The following GALNTL6 variants were observed in gnomAD, a reference collection of about 807,000 sequenced individuals.
The protein encoded by GALNTL6 is polypeptide N-acetylgalactosaminyltransferase like 6.
In GALNTL6, 46 loss-of-function variants were observed where a neutral mutation model predicts 73.7. The ratio of observed to expected loss-of-function variants is 0.62; its 90% CI spans 0.49 to 0.80. The LOEUF (loss-of-function observed/expected upper bound fraction) is 0.80. Among genes scored for constraint, GALNTL6 ranks in the 30% least tolerant of loss-of-function variants. The pLI is 0.00. For missense variants in GALNTL6, 604 were observed against 755.0 expected (o/e 0.80, Z 2.34); for synonymous variants, 259 against 263.7 (o/e 0.98, Z 0.17).
At chr4:172,199,708 TC>T (rs1735894100) in intron 2 of GALNTL6, among the ~76,000 whole-genome samples, 1 of 152,148 alleles carries the variant, frequency 6.6e-6, no homozygotes, top group African/African-American at 2.4e-5. Context: ...TTTTTTAAAC[TC>T]CTGGTAAATA....
chr4:172,331,774 A>AT (rs1741134183), intron 4 of GALNTL6, among the ~76,000 whole-genome samples: 1 of 152,140 alleles, frequency 6.6e-6, no homozygotes, highest in South Asian at 2.1e-4. Context: ...TTATCCATTC[A>AT]TCCCTCAACA....
At chr4:171,938,164 G>A (rs1055772143) in intron 2 of GALNTL6, among the ~76,000 whole-genome samples, 1 of 152,050 alleles carries the variant, frequency 6.6e-6, no homozygotes, top group Non-Finnish European at 1.5e-5. Flanking sequence ...GGTTCATGCT[G>A]TAGAAATTTA....
chr4:171,904,126 A>G (rs892130209), intron 2 of GALNTL6, among the ~76,000 whole-genome samples: 1 of 152,230 alleles, frequency 6.6e-6, no homozygotes, highest in Non-Finnish European at 1.5e-5. Context: ...CACCAGCAAC[A>G]GAACAAAGCT....
chr4:172,583,492 A>G (rs943719818), intron 5 of GALNTL6, among the ~76,000 whole-genome samples: 7 of 152,220 alleles, frequency 4.6e-5, no homozygotes, highest in Non-Finnish European at 8.8e-5. Flanking sequence ...TTAAATTTTA[A>G]TATCTAAAGT....
intron 5 of GALNTL6, among the ~76,000 whole-genome samples, chr4:172,450,857 A>G (rs1732183369): frequency 6.6e-6 from 1 of 152,242 alleles, no homozygotes; most frequent in Non-Finnish European, 1.5e-5. Flanking sequence ...CCTACCTGAA[A>G]TAGACTCCAG....
intron 5 of GALNTL6, among the ~76,000 whole-genome samples, chr4:172,362,021 G>A (rs1742387903): frequency 6.6e-6 from 1 of 152,132 alleles, no homozygotes; most frequent in South Asian, 2.1e-4. Flanking sequence ...TGAACTAGAT[G>A]AGAGTTAGTA....
At chr4:172,416,043 C>T (rs1579051577) in intron 5 of GALNTL6, among the ~76,000 whole-genome samples, 1 of 152,104 alleles carries the variant, frequency 6.6e-6, no homozygotes, top group African/African-American at 2.4e-5. Context: ...GAGGGGTGGT[C>T]TCCTCCCTTA....
intron 5 of GALNTL6, among the ~76,000 whole-genome samples, chr4:172,466,855 TC>T (rs1282639215): frequency 1.3e-5 from 2 of 152,238 alleles, no homozygotes; most frequent in Non-Finnish European, 2.9e-5. Flanking sequence ...CTTTTTCTCA[TC>T]TCAGTATGCT....
At chr4:172,062,655 A>G (rs909823406) in intron 2 of GALNTL6, among the ~76,000 whole-genome samples, 2 of 152,244 alleles carry the variant, frequency 1.3e-5, no homozygotes, top group Admixed American at 6.5e-5. Context: ...CATTTCAACA[A>G]AGCATGTCAC....
Position 171,815,643 on chromosome 4 carries a change from C to CA in GALNTL6, c.138+926dup, listed in dbSNP as rs149906712. The CA allele has an allele frequency of 3.8e-4, 58 of 152,318 alleles. No homozygotes were observed. In the East Asian group the frequency reaches 0.01, roughly 27 times the overall value. The allele number at this position is 152,318 out of a possible 1,614,324, so 9.4% of individuals were successfully genotyped here. On this transcript the variant is annotated intron_variant, in intron 2 of 12. Transcript: ENST00000506823. ...CACTTTTTCAGTTAGTCCTGTGCATCACCTTGGAATATTAATATTCTTAAT... is the reference window on the plus strand; with the variant it reads ...CACTTTTTCAGTTAGTCCTGTGCATCAACCTTGGAATATTAATATTCTTAAT...
intron 5 of GALNTL6, among the ~76,000 whole-genome samples, chr4:172,579,169 A>G (rs920487840): frequency 7.9e-5 from 12 of 152,208 alleles, no homozygotes; most frequent in African/African-American, 1.7e-4. Context: ...ATGTTTGTCC[A>G]CTGTTGTCAA....
At chr4:172,214,371 AT>A (rs922307037) in intron 2 of GALNTL6, among the ~76,000 whole-genome samples, 2 of 149,848 alleles carry the variant, frequency 1.3e-5, no homozygotes, top group South Asian at 2.1e-4. Flanking sequence ...AGTCTTCTCT[AT>A]TTTTTTTTCT....
At chr4:171,981,688 C>T (rs1277705309) in intron 2 of GALNTL6, among the ~76,000 whole-genome samples, 1 of 152,116 alleles carries the variant, frequency 6.6e-6, no homozygotes, top group Non-Finnish European at 1.5e-5. Context: ...TTGCATTACA[C>T]AACACCTGAG....
At chr4:171,851,137 A>T (rs1735512544) in intron 2 of GALNTL6, among the ~76,000 whole-genome samples, 1 of 152,276 alleles carries the variant, frequency 6.6e-6, no homozygotes, top group African/African-American at 2.4e-5. Flanking sequence ...ATTTTTATTT[A>T]TTCACTATTT....
At chr4:172,286,661 A>G (rs1420133777) in intron 3 of GALNTL6, among the ~76,000 whole-genome samples, 1 of 152,154 alleles carries the variant, frequency 6.6e-6, no homozygotes, top group African/African-American at 2.4e-5. Flanking sequence ...GATAAAGATA[A>G]CGGAATGGAG....
rs1023030894 is a variant in GALNTL6, at chr4:172,710,182, G to A, written c.554-99179G>A. Among the ~76,000 whole-genome samples, 17 of 152,102 alleles carry A rather than the reference G, an allele frequency of 1.1e-4. 1 individual carries two copies. The highest frequency in any genetic ancestry group is 3.9e-4 in the Admixed American group (6 of 15,260). ...GTGAGAGAAAAGGAGCATTCTAATC[G>A]TTTGCTGGGGAGTGAAAATTAGAGG... On this transcript the variant is annotated intron_variant, in intron 5 of 12. Transcript: ENST00000506823.
At chr4:172,584,281 G>A (rs1454036662) in intron 5 of GALNTL6, among the ~76,000 whole-genome samples, 1 of 152,158 alleles carries the variant, frequency 6.6e-6, no homozygotes, top group Non-Finnish European at 1.5e-5. Context: ...GTGGAAAAGT[G>A]TATTCCTAAG....
At chr4:172,500,383 T>C (rs13143145) in intron 5 of GALNTL6, among the ~76,000 whole-genome samples, 29,837 of 152,068 alleles carry the variant, frequency 0.2, 3,193 homozygotes, top group African/African-American at 0.26. Flanking sequence ...ATAGCATCAC[T>C]ACACTCCAGC....
chr4:171,963,015 C>G (rs1033882958), intron 2 of GALNTL6, among the ~76,000 whole-genome samples: 1 of 151,574 alleles, frequency 6.6e-6, no homozygotes, highest in Non-Finnish European at 1.5e-5. Context: ...ATCCGCCCAC[C>G]TTGGCCTCCC....
Sources: gnomAD v4.1 joint callset for allele counts (sites outside exome capture counted in the v4.1 genomes callset) on GRCh38, gnomAD v4.1.1 for gene constraint, MANE v1.5 for transcripts, NCBI Gene and HGNC (gene_info 2026-07-23, HGNC 2026-07-21) for gene names.